The following RUNX2 variants were observed in gnomAD, a reference collection of about 807,000 sequenced individuals.
The protein encoded by RUNX2 is RUNX family transcription factor 2.
In RUNX2, 10 loss-of-function variants were observed where a neutral mutation model predicts 51.7. The observed-to-expected ratio is 0.19, with a 90% confidence interval of 0.12 to 0.33. The LOEUF is 0.33. Ranked by LOEUF, RUNX2 falls within the 10% of genes least tolerant of loss-of-function variation. The pLI, the probability that RUNX2 is intolerant of heterozygous loss-of-function variation, is 1.00. For synonymous variants in RUNX2, 276 were observed against 273.6 expected (o/e 1.01, Z -0.09); for missense variants, 562 against 691.3 (o/e 0.81, Z 2.10).
In RUNX2 at chr6:45,422,973, G is replaced by A. The variant is rs1563079563; in HGVS notation, c.423+16G>A. On this transcript the variant is annotated intron_variant, in intron 3 of 8. Transcript: ENST00000647337. ...GGCCTTCAAGGTAAGAGGCTACACC[G>A]CCCCCCGCCCCCGGCCGGGAGCGGC... The A allele has an allele frequency of 1.2e-6, 2 of 1,604,424 alleles. No homozygotes were observed. The highest frequency in any genetic ancestry group is 1.7e-6 in the Non-Finnish European group (2 of 1,177,886).
In RUNX2 at chr6:45,496,020, A is replaced by G. The variant is rs560334112; in HGVS notation, c.859+3906A>G. 1.7e-4 allele frequency among the ~76,000 whole-genome samples: 26 copies of G among 152,206 alleles called. 1 individual carries two copies. In the South Asian group the frequency reaches 4.4e-3, roughly 25 times the overall value. On this transcript the variant is annotated intron_variant, in intron 6 of 8. Transcript: ENST00000647337. ...GGGCCTCCCCACAGCTTCCTGGGGA[A>G]GTTGCTTCCTCTAGACCTCTTATCA...
chr6:45,518,872 A>G (rs572488872), intron 7 of RUNX2, among the ~76,000 whole-genome samples: 14 of 152,294 alleles, frequency 9.2e-5, no homozygotes, highest in African/African-American at 3.4e-4. Flanking sequence ...CTAACGATAG[A>G]TACAGTGGCT....
chr6:45,366,201 T>C lies in RUNX2; in HGVS notation c.58+37417T>C, dbSNP rs184133807. ...ATTTTTTGCAGTTTCTAAAGAAGAA[T>C]GTAAGATATTTAGAACATATGATAA... On this transcript the variant is annotated intron_variant, in intron 2 of 8. Transcript: ENST00000647337. 4.8e-3 allele frequency among the ~76,000 whole-genome samples: 727 copies of C among 152,304 alleles called. 8 individuals carry two copies. The highest frequency in any genetic ancestry group is 5.4e-3 in the Non-Finnish European group (364 of 68,020).
At chr6:45,409,615 C>G (rs748395807) in intron 2 of RUNX2, among the ~76,000 whole-genome samples, 5 of 152,146 alleles carry the variant, frequency 3.3e-5, no homozygotes, top group Non-Finnish European at 7.4e-5. Context: ...ATATTCCCAA[C>G]AAGATGTAAG....
At chr6:45,365,334 T>C (rs1794944424) in intron 2 of RUNX2, 2 of 1,430,856 alleles carry the variant, frequency 1.4e-6, no homozygotes, top group African/African-American at 1.4e-5. Context: ...GCTTACAAAA[T>C]GTACCTAGCT....
chr6:45,430,827 A>G (rs1178666169), intron 3 of RUNX2, among the ~76,000 whole-genome samples: 2 of 152,176 alleles, frequency 1.3e-5, no homozygotes, highest in Non-Finnish European at 2.9e-5. Flanking sequence ...TGAGGAAGAC[A>G]TGGAAATAAT....
intron 2 of RUNX2, among the ~76,000 whole-genome samples, chr6:45,378,790 AATAATACAGTAG>A (rs1209642801): frequency 2.6e-5 from 4 of 152,104 alleles, no homozygotes; most frequent in African/African-American, 9.7e-5. Context: ...TAGTTCTTTA[AATAATACAGTAG>A]TCGTAAGACA....
At chr6:45,528,179 T>G (rs904009248) in intron 7 of RUNX2, among the ~76,000 whole-genome samples, 1 of 152,016 alleles carries the variant, frequency 6.6e-6, no homozygotes, top group Non-Finnish European at 1.5e-5. Flanking sequence ...TCCCACCAGG[T>G]CCCTCCCATG....
chr6:45,546,830 C>T lies in RUNX2; in HGVS notation c.1091C>T (p.Ala364Val). 6.2e-7 allele frequency: 1 copy of T among 1,612,804 alleles called. No individual in the cohort carries two copies. Among genetic ancestry groups the T allele is most frequent in the Non-Finnish European group, 8.5e-7 (1 of 1,179,072 alleles). Reference protein sequence around the residue: ...STLSKKSQAGASELGPFSDPR... With the variant: ...STLSKKSQAGVSELGPFSDPR... ...CATCTTCTGTTATAATTTTTAGGTG[C>T]TTCAGAACTGGGCCCTTTTTCAGAC... is the stretch of plus-strand genomic sequence containing the variant. The change falls in exon 9 of 9, where the codon GCT (alanine) becomes GTT (valine). Residue 364 changes from alanine (A) to valine (V), a missense_variant. Ala to Val is a moderately conservative substitution (Grantham distance 64). Coordinates refer to ENST00000647337, the MANE Select transcript of RUNX2 (RefSeq NM_001024630.4).
chr6:45,486,649 C>T (rs536621418), intron 5 of RUNX2, among the ~76,000 whole-genome samples: 1 of 152,154 alleles, frequency 6.6e-6, no homozygotes, highest in South Asian at 2.1e-4. Flanking sequence ...GCACACTCTT[C>T]ATGAAAAGTG....
At chr6:45,422,329 G>A (rs890119031) in intron 2 of RUNX2, 21 of 428,716 alleles carry the variant, frequency 4.9e-5, no homozygotes, top group African/African-American at 1.3e-4. Context: ...CAAAGACTCC[G>A]GCAAAGATCT....
intron 2 of RUNX2, among the ~76,000 whole-genome samples, chr6:45,341,021 T>C (rs1284277008): frequency 2.0e-5 from 3 of 152,190 alleles, no homozygotes; most frequent in African/African-American, 7.2e-5. Flanking sequence ...AAATTCTAAT[T>C]CATTTGATAT....
chr6:45,328,745 T>C lies in RUNX2; in HGVS notation c.19T>C (p.Phe7Leu). The change falls in exon 2 of 9, where the codon TTC becomes CTC. Residue 7 changes from phenylalanine (F) to leucine (L), a missense_variant. Physicochemically the swap from Phe to Leu is conservative, Grantham distance 22. This residue lies in a region of RUNX2 where 153 missense variants were observed against 144.8 expected (regional missense o/e 1.06). Coordinates refer to ENST00000647337, the MANE Select transcript of RUNX2 (RefSeq NM_001024630.4). MASNSL[F>L]STVTPCQQNF... ...AGGGACTATGGCATCAAACAGCCTCTTCAGCACAGTGACACCATGTCAGCA... is the reference window on the plus strand; with the variant it reads ...AGGGACTATGGCATCAAACAGCCTCCTCAGCACAGTGACACCATGTCAGCA... The C allele has an allele frequency of 6.2e-7, 1 of 1,612,192 alleles. No individual in the cohort carries two copies. The highest frequency in any genetic ancestry group is 8.5e-7 in the Non-Finnish European group (1 of 1,178,702).
At chr6:45,444,541 G>A (rs1798938370) in intron 5 of RUNX2, among the ~76,000 whole-genome samples, 1 of 152,212 alleles carries the variant, frequency 6.6e-6, no homozygotes, top group Non-Finnish European at 1.5e-5. Context: ...TGGAAGTATA[G>A]GGTACTGTTG....
At chr6:45,388,704 T>C (rs1043764821) in intron 2 of RUNX2, among the ~76,000 whole-genome samples, 39 of 152,216 alleles carry the variant, frequency 2.6e-4, no homozygotes, top group African/African-American at 9.4e-4. Context: ...TACATTTATT[T>C]GGAACAATAT....
intron 2 of RUNX2, among the ~76,000 whole-genome samples, chr6:45,394,930 T>C (rs1245830662): frequency 2.6e-5 from 4 of 152,152 alleles, no homozygotes; most frequent in African/African-American, 9.7e-5. Flanking sequence ...GTGGGACTCC[T>C]GGAGGTAAAA....
intron 2 of RUNX2, among the ~76,000 whole-genome samples, chr6:45,366,583 T>C (rs1466551977): frequency 6.6e-6 from 1 of 152,206 alleles, no homozygotes; most frequent in Non-Finnish European, 1.5e-5. Context: ...AACTTTTATA[T>C]AAATTTAGAT....
chr6:45,414,050 G>A (rs1025884731), intron 2 of RUNX2, among the ~76,000 whole-genome samples: 1 of 152,156 alleles, frequency 6.6e-6, no homozygotes, highest in Non-Finnish European at 1.5e-5. Context: ...ATTAAATAAT[G>A]AGGGGATCCA....
intron 2 of RUNX2, among the ~76,000 whole-genome samples, chr6:45,342,505 C>T (rs374927362): frequency 5.9e-5 from 9 of 152,094 alleles, no homozygotes; most frequent in East Asian, 1.9e-4. Flanking sequence ...GTAATCCACC[C>T]GCCTTGGCCT....
Sources: gnomAD v4.1 joint callset for allele counts (sites outside exome capture counted in the v4.1 genomes callset) on GRCh38, gnomAD v4.1.1 for gene constraint, gnomAD v4.1.1 regional missense constraint, MANE v1.5 for transcripts, NCBI Gene and HGNC (gene_info 2026-07-23, HGNC 2026-07-21) for gene names.